The following CALCR variants were observed in gnomAD, a reference collection of about 807,000 sequenced individuals.
CALCR encodes the protein calcitonin receptor.
Under a neutral mutation model 59.5 loss-of-function variants are expected in CALCR, and 47 were observed. The observed-to-expected ratio is 0.79, with a 90% confidence interval of 0.63 to 1.01. CALCR has a LOEUF of 1.01. Among genes scored for constraint, CALCR ranks in the 50% least tolerant of loss-of-function variants. The pLI, the probability that CALCR is intolerant of heterozygous loss-of-function variation, is 0.00. For synonymous variants in CALCR, 213 were observed against 211.3 expected (o/e 1.01, Z -0.07); for missense variants, 566 against 597.1 (o/e 0.95, Z 0.54).
intron 2 of CALCR, among the ~76,000 whole-genome samples, chr7:93,520,398 A>G (rs1228683986): frequency 6.6e-6 from 1 of 152,108 alleles, no homozygotes; most frequent in African/African-American, 2.4e-5. Flanking sequence ...TTTTCCCTAC[A>G]TTTCACTTAT....
chr7:93,545,116 A>G (rs1789250750), intron 2 of CALCR, among the ~76,000 whole-genome samples: 1 of 152,086 alleles, frequency 6.6e-6, no homozygotes, highest in Non-Finnish European at 1.5e-5. Context: ...AGGATAAGGT[A>G]CTCATGTGAT....
intron 7 of CALCR, among the ~76,000 whole-genome samples, chr7:93,467,343 C>A (rs948819953): frequency 6.6e-6 from 1 of 151,554 alleles, no homozygotes; most frequent in African/African-American, 2.4e-5. Flanking sequence ...CTTATGTTAT[C>A]ATTTGCTATC....
intron 11 of CALCR, among the ~76,000 whole-genome samples, chr7:93,436,861 A>G (rs10243420): frequency 0.65 from 99,063 of 151,946 alleles, 32,775 homozygotes; most frequent in East Asian, 0.88. Flanking sequence ...TGCTAAATAC[A>G]TGTTTGATAT....
chr7:93,482,458 G>A (rs1800819710), intron 3 of CALCR, among the ~76,000 whole-genome samples: 1 of 151,664 alleles, frequency 6.6e-6, no homozygotes. Flanking sequence ...AATCTTATCT[G>A]TCACTTGTAT....
In CALCR at chr7:93,426,488, AGCG is replaced by A. The variant is rs1562922431; in HGVS notation, c.1290_1292del (p.Ala433del). On this transcript the variant is annotated inframe_deletion, in exon 14 of 14. Coordinates refer to ENST00000426151, the MANE Select transcript of CALCR (RefSeq NM_001742.4). ...TTGGGATGTCGCCAGCCTCCGCAGC[AGCG>A]GCTGCAGCGCGAGCAGAGCGGTTGG... 1.9e-6 allele frequency: 3 copies of A among 1,613,636 alleles called. No homozygotes were observed.
intron 2 of CALCR, among the ~76,000 whole-genome samples, chr7:93,531,151 A>G (rs756207520): frequency 3.3e-4 from 50 of 152,138 alleles, no homozygotes; most frequent in South Asian, 2.1e-4. Context: ...TTATTTGACC[A>G]TAAACAGGAC....
intron 8 of CALCR, among the ~76,000 whole-genome samples, chr7:93,444,087 C>T (rs1799964693): frequency 6.6e-6 from 1 of 152,112 alleles, no homozygotes; most frequent in African/African-American, 2.4e-5. Flanking sequence ...GGATTTGATG[C>T]ATGACTTTTA....
At chr7:93,448,531 T>C (rs1052511709) in intron 8 of CALCR, among the ~76,000 whole-genome samples, 2 of 151,940 alleles carry the variant, frequency 1.3e-5, no homozygotes, top group Non-Finnish European at 2.9e-5. Flanking sequence ...AGTTCAATGC[T>C]TGCAATCAAA....
chr7:93,532,838 CAAAAAAAAA>C (rs57128008), intron 2 of CALCR, among the ~76,000 whole-genome samples: 155 of 95,652 alleles, frequency 1.6e-3, no homozygotes, highest in African/African-American at 1.9e-3. Context: ...ATGTCCAAAG[CAAAAAAAAA>C]AAAAAAAAAA....
rs1205870014 is a variant in CALCR, at chr7:93,443,617, A to G, written c.789T>C (p.Tyr263=). The G allele has an allele frequency of 1.9e-6, 3 of 1,613,308 alleles. No individual in the cohort carries two copies. The highest frequency in any genetic ancestry group is 1.7e-6 in the Non-Finnish European group (2 of 1,179,504). Residue 263 remains tyrosine, a synonymous_variant, in exon 9 of 14, where the codon TAT becomes TAC. Transcript: ENST00000426151. ...GAAAATACATACCCCAGCCCAAGAG[A>G]TAATACCACCGCAAGCGTTGCTTCT... ...FTEKQRLRWY[Y]LLGWGFPLVP...
At chr7:93,515,847 T>C (rs1292785443) in intron 2 of CALCR, among the ~76,000 whole-genome samples, 1 of 152,018 alleles carries the variant, frequency 6.6e-6, no homozygotes, top group Non-Finnish European at 1.5e-5. Flanking sequence ...AGTTTTAGGT[T>C]GCATTAAACA....
At chr7:93,428,575 C>G (rs530611640) in intron 13 of CALCR, among the ~76,000 whole-genome samples, 75 of 152,196 alleles carry the variant, frequency 4.9e-4, no homozygotes, top group Admixed American at 8.5e-4. Flanking sequence ...CCGAGGCGGG[C>G]AGATCATGAG....
Position 93,435,440 on chromosome 7 carries a change from C to A in CALCR, c.1149+512G>T, listed in dbSNP as rs144776159. 4.7e-4 allele frequency among the ~76,000 whole-genome samples: 71 copies of A among 152,268 alleles called. 1 individual carries two copies. The East Asian group carries it at 0.012, about 25-fold the overall frequency. On this transcript the variant is annotated intron_variant, in intron 12 of 13. Transcript: ENST00000426151. ...AAGCAGGCACAGAAAGAAACAGCAA[C>A]AAAGAGCCTCAAAAAAACTGGTGTC...
intron 2 of CALCR, among the ~76,000 whole-genome samples, chr7:93,510,059 G>C (rs1801510275): frequency 6.6e-6 from 1 of 152,090 alleles, no homozygotes; most frequent in Admixed American, 6.6e-5. Context: ...TCTTACTAAA[G>C]ACTTTTGAGA....
chr7:93,524,122 A>G (rs893689258), intron 2 of CALCR, among the ~76,000 whole-genome samples: 2 of 151,752 alleles, frequency 1.3e-5, no homozygotes. Context: ...CTAGAGTCTT[A>G]CCACCCCCAA....
chr7:93,475,585 G>C (rs1800650358), intron 5 of CALCR, among the ~76,000 whole-genome samples: 1 of 151,546 alleles, frequency 6.6e-6, no homozygotes, highest in Non-Finnish European at 1.5e-5. Flanking sequence ...TTTCAATGAA[G>C]TTATGCAGCC....
chr7:93,432,572 C>A (rs138674821), intron 13 of CALCR, among the ~76,000 whole-genome samples: 1 of 152,266 alleles, frequency 6.6e-6, no homozygotes, highest in East Asian at 1.9e-4. Context: ...TCAGAGATAA[C>A]ATATAGTCAA....
chr7:93,438,082 C>T lies in CALCR; in HGVS notation c.908G>A (p.Gly303Glu), dbSNP rs748516925. The change falls in exon 11 of 14, where the codon GGA becomes GAA. Residue 303 changes from glycine to glutamate, a missense_variant. Transcript: ENST00000426151. The part of the protein sequence containing the change: ...VETHLLYIIH[G>E]PVMAALVVNF... Reference sequence around the variant, plus strand: ...CACCACAAGTGCCGCCATGACAGGTCCATGGATTATGTAAAGCAAATGGGT... The same window carrying T: ...CACCACAAGTGCCGCCATGACAGGTTCATGGATTATGTAAAGCAAATGGGT... The T allele has an allele frequency of 1.2e-6, 2 of 1,613,650 alleles. No homozygotes were observed. Among genetic ancestry groups the T allele is most frequent in the Admixed American group, 1.7e-5 (1 of 59,988 alleles).
chr7:93,479,453 G>T lies in CALCR; in HGVS notation c.106C>A (p.Pro36Thr), dbSNP rs202130205. 2.1e-5 allele frequency: 34 copies of T among 1,612,454 alleles called. No individual in the cohort carries two copies. Among genetic ancestry groups the T allele is most frequent in the Non-Finnish European group, 2.8e-5 (33 of 1,179,078 alleles). The change falls in exon 4 of 14, where the codon CCC (proline) becomes ACC (threonine). Residue 36 changes from proline to threonine, a missense_variant. Physicochemically the swap from Pro to Thr is conservative, Grantham distance 38 (BLOSUM62 -1). Transcript: ENST00000426151. ...CCTACGACGTAAAGAAATGGCTTGG[G>T]CTCTATTGTTGGATAGGTTTGATTT... ...FSNQTYPTIE[P>T]KPFLYVVGRK...
Sources: gnomAD v4.1 joint callset for allele counts (sites outside exome capture counted in the v4.1 genomes callset) on GRCh38, gnomAD v4.1.1 for gene constraint, MANE v1.5 for transcripts, NCBI Gene and HGNC (gene_info 2026-07-23, HGNC 2026-07-21) for gene names.